The following YEATS2 variants were observed in gnomAD, a reference collection of about 807,000 sequenced individuals.
The protein encoded by YEATS2 is YEATS domain containing 2, also known as YEATS domain-containing protein 2.
A neutral mutation model predicts 163.2 loss-of-function variants in YEATS2; 77 were observed. That is an observed-to-expected ratio of 0.47 (90% CI 0.39 to 0.57). The LOEUF (loss-of-function observed/expected upper bound fraction) is 0.57, where lower values mean the gene tolerates loss of function less well. Among genes scored for constraint, YEATS2 ranks in the 20% least tolerant of loss-of-function variants. YEATS2 has a pLI of 0.00. For synonymous variants in YEATS2, 631 were observed against 645.1 expected, an observed-to-expected ratio of 0.98 and a Z score of 0.33; for missense variants, 1,549 against 1,729.8, an observed-to-expected ratio of 0.90 and a Z score of 1.85.
intron 15 of YEATS2, among the ~76,000 whole-genome samples, chr3:183,768,778 G>A (rs1808864): frequency 0.028 from 4,278 of 152,204 alleles, 205 homozygotes; most frequent in African/African-American, 0.096. Context: ...TTCAAGATCA[G>A]CCTGACCAGC....
chr3:183,774,282 C>G (rs922280382), intron 17 of YEATS2, among the ~76,000 whole-genome samples: 1 of 152,168 alleles, frequency 6.6e-6, no homozygotes, highest in Non-Finnish European at 1.5e-5. Flanking sequence ...CGCCTCCTGT[C>G]AGATCAGCAG....
intron 1 of YEATS2, among the ~76,000 whole-genome samples, chr3:183,699,070 C>G (rs992936315): frequency 6.6e-6 from 1 of 152,080 alleles, no homozygotes; most frequent in Non-Finnish European, 1.5e-5. Context: ...GAGGAACCTA[C>G]GAGGTCAGTT....
rs1350493733 is a variant in YEATS2, at chr3:183,721,991, A to C, written c.392A>C (p.Glu131Ala). Reference protein sequence around the residue: ...RSSSPANQRAETPSANHSESD... With the variant: ...RSSSPANQRAATPSANHSESD... ...TCATCTCCTGCCAATCAGAGAGCAG[A>C]AACACCATCAGCCAATCATTCAGAA... The change falls in exon 5 of 31, where the codon GAA (glutamate) becomes GCA (alanine). Residue 131 changes from glutamate (E) to alanine (A), a missense_variant. Physicochemically the swap from Glu to Ala is moderately radical, Grantham distance 107 (BLOSUM62 -1). Coordinates refer to ENST00000305135, the MANE Select transcript of YEATS2 (RefSeq NM_018023.5). 6.2e-7 allele frequency: 1 copy of C among 1,614,078 alleles called. No homozygotes were observed. The highest frequency in any genetic ancestry group is 8.5e-7 in the Non-Finnish European group (1 of 1,180,038).
intron 10 of YEATS2, 33 bp from the exon 11 acceptor site, chr3:183,754,093 T>C: frequency 6.6e-7 from 1 of 1,508,918 alleles, no homozygotes; most frequent in Non-Finnish European, 8.9e-7. Context: ...AAGCGATTGA[T>C]GACTTGCCGT....
intron 19 of YEATS2, 118 bp downstream of exon 19, chr3:183,777,818 TA>T: frequency 7.3e-7 from 1 of 1,374,900 alleles, no homozygotes; most frequent in South Asian, 1.5e-5. Flanking sequence ...AAATGAACAA[TA>T]AGGCCAGGAG....
intron 15 of YEATS2, among the ~76,000 whole-genome samples, 185 bp downstream of exon 15, chr3:183,762,464 G>T (rs932280961): frequency 2.6e-5 from 4 of 152,218 alleles, no homozygotes; most frequent in Admixed American, 1.3e-4. Flanking sequence ...GTAATCATTG[G>T]CAAGAGCCGC....
chr3:183,701,993 G>A (rs569739591), intron 1 of YEATS2, among the ~76,000 whole-genome samples: 25 of 152,228 alleles, frequency 1.6e-4, no homozygotes, highest in African/African-American at 5.1e-4. Flanking sequence ...ACATCTCACA[G>A]TTACTTTCCA....
At chr3:183,789,904 T>C (rs189926115) in intron 20 of YEATS2, among the ~76,000 whole-genome samples, 5 of 152,240 alleles carry the variant, frequency 3.3e-5, no homozygotes, top group Non-Finnish European at 5.9e-5. Flanking sequence ...TATGTAAATA[T>C]CCAGTTGGCC....
At chr3:183,731,170 G>A (rs1471978219) in intron 7 of YEATS2, among the ~76,000 whole-genome samples, 1 of 151,814 alleles carries the variant, frequency 6.6e-6, no homozygotes, top group African/African-American at 2.4e-5. Context: ...GTGGTGGCTC[G>A]TGCCTGTAAT....
chr3:183,796,768 G>A (rs1725190167), intron 21 of YEATS2, among the ~76,000 whole-genome samples: 1 of 152,052 alleles, frequency 6.6e-6, no homozygotes, highest in African/African-American at 2.4e-5. Flanking sequence ...CCAAAATTTT[G>A]TACACAGAAG....
intron 5 of YEATS2, among the ~76,000 whole-genome samples, chr3:183,722,942 G>A (rs998606544): frequency 1.3e-5 from 2 of 152,330 alleles, no homozygotes; most frequent in East Asian, 1.9e-4. Context: ...GTGAGCCACC[G>A]CGCCCGACTT....
In YEATS2 at chr3:183,811,245, A is replaced by G. The variant is rs965629662; in HGVS notation, c.*662A>G. On this transcript the variant is annotated 3_prime_UTR_variant, in exon 31 of 31. Transcript: ENST00000305135. ...AGTGGCAAGGGACGGAGAGGTCCCA[A>G]CAGGAGTCAGGAAGAGGTTTGATTA... 2 of 152,806 alleles carry G rather than the reference A, an allele frequency of 1.3e-5. No individual in the cohort carries two copies. Among genetic ancestry groups the G allele is most frequent in the African/African-American group, 2.4e-5 (1 of 41,484 alleles). The allele number at this position is 152,806 out of a possible 1,614,324, so 9.5% of individuals were successfully genotyped here. A position where few individuals can be genotyped will look rare whatever the true frequency, so the allele number is the denominator to read the frequency against.
rs1171540669 is a variant in YEATS2 at position 183,810,703 on chromosome 3, C to T, written c.*120C>T. ...GACTCGGCATGTCATGGCTACCCAACCTTTGCCGCTGCCTGTTCCCACGTG... is the reference window on the plus strand; with the variant it reads ...GACTCGGCATGTCATGGCTACCCAATCTTTGCCGCTGCCTGTTCCCACGTG... On this transcript the variant is annotated 3_prime_UTR_variant, in exon 31 of 31. Transcript: ENST00000305135. 5.9e-6 allele frequency: 5 copies of T among 844,056 alleles called. No individual in the cohort carries two copies. The East Asian group carries it at 1.1e-4, about 18-fold the overall frequency. 52.3% of individuals were successfully genotyped at this position (844,056 alleles called of 1,614,324 possible).
At chr3:183,749,674 C>T (rs1408265768) in intron 9 of YEATS2, among the ~76,000 whole-genome samples, 1 of 152,100 alleles carries the variant, frequency 6.6e-6, no homozygotes, top group Non-Finnish European at 1.5e-5. Context: ...GAGTCTTGCT[C>T]TCTCTCACCC....
intron 15 of YEATS2, among the ~76,000 whole-genome samples, chr3:183,766,560 C>T (rs575124213): frequency 6.6e-6 from 1 of 152,136 alleles, no homozygotes; most frequent in Non-Finnish European, 1.5e-5. Context: ...AAATACAAAA[C>T]AATGGGTGTC....
chr3:183,790,668 C>G, intron 20 of YEATS2, 129 bp from the exon 21 acceptor site: 1 of 942,614 alleles, frequency 1.1e-6, no homozygotes, highest in Non-Finnish European at 1.6e-6. Context: ...AATGGTATGG[C>G]ATTTACTAAG....
At chr3:183,716,781 A>G (rs932613160) in intron 2 of YEATS2, among the ~76,000 whole-genome samples, 7 of 152,178 alleles carry the variant, frequency 4.6e-5, no homozygotes, top group African/African-American at 1.7e-4. Flanking sequence ...CTGAGTGACA[A>G]TCTGCTATTC....
intron 7 of YEATS2, among the ~76,000 whole-genome samples, chr3:183,729,273 A>G (rs1207030056): frequency 6.8e-6 from 1 of 147,696 alleles, no homozygotes; most frequent in East Asian, 2.0e-4. Context: ...CTCTGTCTCA[A>G]AAAAAAAAAA....
At chr3:183,721,638 C>T (rs1045430508) in intron 4 of YEATS2, among the ~76,000 whole-genome samples, 6 of 152,088 alleles carry the variant, frequency 3.9e-5, no homozygotes, top group Non-Finnish European at 8.8e-5. Flanking sequence ...TATTATTTCT[C>T]ATTTACCTCC....
Sources: gnomAD v4.1 joint callset for allele counts (sites outside exome capture counted in the v4.1 genomes callset) on GRCh38, gnomAD v4.1.1 for gene constraint, MANE v1.5 for transcripts, NCBI Gene and HGNC (gene_info 2026-07-23, HGNC 2026-07-21) for gene names.